ARHGAP15: variants seen among roughly 807,000 people sequenced by gnomAD.
The protein encoded by ARHGAP15 is rho GTPase-activating protein 15.
In ARHGAP15, 51 loss-of-function variants were observed where a neutral mutation model predicts 63.7. That is an observed-to-expected ratio of 0.80 (90% CI 0.64 to 1.01). ARHGAP15 has a LOEUF of 1.01. Ranked by LOEUF, ARHGAP15 falls within the 50% of genes least tolerant of loss-of-function variation. The pLI, the probability that ARHGAP15 is intolerant of heterozygous loss-of-function variation, is 0.00. For missense variants in ARHGAP15, 560 were observed against 564.6 expected, an observed-to-expected ratio of 0.99 and a Z score of 0.08; for synonymous variants, 191 against 193.8, an observed-to-expected ratio of 0.99 and a Z score of 0.12.
intron 9 of ARHGAP15, among the ~76,000 whole-genome samples, chr2:143,515,147 TTAAC>T (rs1356434427): frequency 2.0e-5 from 3 of 151,990 alleles, no homozygotes; most frequent in African/African-American, 7.3e-5. Context: ...CATCAGTCGT[TTAAC>T]TAATCTCCTT....
In ARHGAP15 at chr2:143,362,227, CTG is replaced by C. The variant is rs766319508; in HGVS notation, c.475-73372_475-73371del. ...CAATTATACATCAGCGTAAAATTGTCTGTTTCCCTGTGTCTCCCATTAGAATA... is the reference window on the plus strand; with the variant it reads ...CAATTATACATCAGCGTAAAATTGTCTTTCCCTGTGTCTCCCATTAGAATA... On this transcript the variant is annotated intron_variant, in intron 6 of 13. Transcript: ENST00000295095. Among the ~76,000 whole-genome samples, 6 of 152,172 alleles carry C rather than the reference CTG, an allele frequency of 3.9e-5. No individual in the cohort carries two copies. In the South Asian group the frequency reaches 1.2e-3, roughly 32 times the overall value.
chr2:143,329,671 C>T (rs1009161132), intron 6 of ARHGAP15, among the ~76,000 whole-genome samples: 5 of 151,992 alleles, frequency 3.3e-5, no homozygotes, highest in Non-Finnish European at 4.4e-5. Flanking sequence ...GTTACACAGC[C>T]ACAGACAACT....
At chr2:143,416,324 G>C (rs1688676890) in intron 6 of ARHGAP15, among the ~76,000 whole-genome samples, 1 of 152,082 alleles carries the variant, frequency 6.6e-6, no homozygotes, top group South Asian at 2.1e-4. Context: ...TATTCTCCAA[G>C]TCTTTCATTT....
intron 8 of ARHGAP15, among the ~76,000 whole-genome samples, chr2:143,438,177 T>C (rs574040673): frequency 1.3e-5 from 2 of 152,282 alleles, no homozygotes; most frequent in South Asian, 2.1e-4. Flanking sequence ...AATATCAGTA[T>C]ACTGACATCC....
chr2:143,347,519 G>T (rs912598734), intron 6 of ARHGAP15, among the ~76,000 whole-genome samples: 2 of 152,008 alleles, frequency 1.3e-5, no homozygotes, highest in Non-Finnish European at 2.9e-5. Flanking sequence ...GTATTCTGCC[G>T]CACTTAATGA....
intron 6 of ARHGAP15, among the ~76,000 whole-genome samples, chr2:143,414,124 A>G (rs1688580932): frequency 6.6e-6 from 1 of 151,318 alleles, no homozygotes; most frequent in African/African-American, 2.4e-5. Context: ...ATGTATATGT[A>G]TACTTATATA....
chr2:143,205,675 A>C (rs1395731749), intron 3 of ARHGAP15, among the ~76,000 whole-genome samples: 1 of 152,106 alleles, frequency 6.6e-6, no homozygotes, highest in Admixed American at 6.6e-5. Flanking sequence ...CCTCAAGTTG[A>C]ACCCTTCATC....
chr2:143,301,805 A>G (rs1337909854), intron 6 of ARHGAP15, among the ~76,000 whole-genome samples: 1 of 151,688 alleles, frequency 6.6e-6, no homozygotes, highest in Non-Finnish European at 1.5e-5. Context: ...ATCCGTCTAG[A>G]TATATATGTA....
intron 6 of ARHGAP15, among the ~76,000 whole-genome samples, chr2:143,331,695 A>G (rs752068635): frequency 2.0e-5 from 3 of 152,188 alleles, no homozygotes; most frequent in Non-Finnish European, 4.4e-5. Context: ...TAAGAGGTAC[A>G]TGAGAAAAAA....
chr2:143,540,888 G>T (rs905368395), intron 10 of ARHGAP15, among the ~76,000 whole-genome samples: 1 of 152,106 alleles, frequency 6.6e-6, no homozygotes, highest in African/African-American at 2.4e-5. Flanking sequence ...AATCTTTGTG[G>T]CATTCTCTGT....
intron 5 of ARHGAP15, among the ~76,000 whole-genome samples, chr2:143,235,045 G>A (rs1201186058): frequency 2.6e-5 from 4 of 152,006 alleles, no homozygotes; most frequent in South Asian, 2.1e-4. Flanking sequence ...TATGCATTTG[G>A]TTAATCAAGT....
rs1558779813 is a variant in ARHGAP15, at chr2:143,153,871, TCTTCC to T, written c.-14-1605_-14-1601del. ...CTCCTCCTCCTCCTCCTCCTCCTCCTCTTCCTCCTCCTCCTCCTCCTCCTCCTCCT... is the reference window on the plus strand; with the variant it reads ...CTCCTCCTCCTCCTCCTCCTCCTCCTTCCTCCTCCTCCTCCTCCTCCTCCT... On this transcript the variant is annotated intron_variant, in intron 1 of 13. Transcript: ENST00000295095. 4.9e-4 allele frequency among the ~76,000 whole-genome samples: 41 copies of T among 82,934 alleles called. 1 individual carries two copies. The highest frequency in any genetic ancestry group is 8.2e-4 in the Non-Finnish European group (29 of 35,362). The allele number at this position is 82,934 out of a possible 152,430, so 54.4% of individuals were successfully genotyped here. A position where few individuals can be genotyped will look rare whatever the true frequency, so the allele number is the denominator to read the frequency against.
At chr2:143,137,738 T>C (rs1015700824) in intron 1 of ARHGAP15, among the ~76,000 whole-genome samples, 2 of 152,042 alleles carry the variant, frequency 1.3e-5, no homozygotes, top group African/African-American at 4.8e-5. Context: ...AAACAGAACA[T>C]CTCTTTAAAA....
intron 12 of ARHGAP15, among the ~76,000 whole-genome samples, chr2:143,662,528 G>A (rs974021023): frequency 8.5e-5 from 12 of 141,422 alleles, no homozygotes; most frequent in South Asian, 2.4e-4. Context: ...CCAAAGGAAC[G>A]CAGTTCCTCA....
chr2:143,648,687 T>C (rs1487658225), intron 12 of ARHGAP15: 1 of 152,022 alleles, frequency 6.6e-6, no homozygotes, highest in Non-Finnish European at 1.5e-5. Context: ...ATAATGGCTT[T>C]AAATTTCTAA....
intron 6 of ARHGAP15, among the ~76,000 whole-genome samples, chr2:143,273,249 G>C (rs1028798900): frequency 6.6e-6 from 1 of 151,640 alleles, no homozygotes; most frequent in South Asian, 2.1e-4. Flanking sequence ...AAATTGGGTG[G>C]GAATACTTTC....
intron 8 of ARHGAP15, among the ~76,000 whole-genome samples, chr2:143,471,262 A>G (rs1463345202): frequency 2.7e-5 from 4 of 147,154 alleles, no homozygotes; most frequent in African/African-American, 1.1e-4. Context: ...ACACATATAT[A>G]TATACACATA....
intron 11 of ARHGAP15, among the ~76,000 whole-genome samples, chr2:143,561,095 A>G (rs1265070663): frequency 6.6e-6 from 1 of 152,212 alleles, no homozygotes; most frequent in Non-Finnish European, 1.5e-5. Context: ...GACAGACTTC[A>G]GCATGGAGGA....
intron 13 of ARHGAP15, among the ~76,000 whole-genome samples, chr2:143,740,042 CTCTT>C (rs950462091): frequency 2.0e-5 from 3 of 152,034 alleles, no homozygotes; most frequent in African/African-American, 7.2e-5. Context: ...GAATTTGGTT[CTCTT>C]TTTTTCTAGC....
Sources: allele counts gnomAD v4.1 joint callset (sites outside exome capture counted in the v4.1 genomes callset), GRCh38; gene constraint gnomAD v4.1.1; transcripts MANE v1.5; gene names NCBI Gene and HGNC (gene_info 2026-07-23, HGNC 2026-07-21).